The following CIC variants were observed in gnomAD, a reference collection of about 807,000 sequenced individuals.
CIC encodes protein capicua homolog.
A neutral mutation model predicts 115.7 loss-of-function variants in CIC; 18 were observed. That is an observed-to-expected ratio of 0.16 (90% CI 0.11 to 0.23). CIC has a LOEUF of 0.23. Among genes scored for constraint, CIC ranks in the 10% least tolerant of loss-of-function variants. CIC has a pLI of 1.00. For missense variants in CIC, 2,000 were observed against 2,159.3 expected, an observed-to-expected ratio of 0.93 and a Z score of 1.46; for synonymous variants, 1,076 against 923.0, an observed-to-expected ratio of 1.17 and a Z score of -3.01.
At position 42,289,909 on chromosome 19, in the gene CIC, C is replaced by T. The variant is rs376131589; in HGVS notation, c.4149C>T (p.Ser1383=). The T allele has an allele frequency of 1.7e-5, 28 of 1,610,054 alleles. No homozygotes were observed. Among genetic ancestry groups the T allele is most frequent in the South Asian group, 1.2e-4 (11 of 90,108 alleles). ...AGTGCAAGGAGCGGGTGACCGACAGCGAGAGTGGGGACAGCTCTGGGGAGG... is the reference window on the plus strand; with the variant it reads ...AGTGCAAGGAGCGGGTGACCGACAGTGAGAGTGGGGACAGCTCTGGGGAGG... ...DLKCKERVTD[S]ESGDSSGEDP... Residue 1383 remains serine, a synonymous_variant, in exon 10 of 21, where the codon AGC becomes AGT. Transcript: ENST00000681038.
chr19:42,293,324 G>A, intron 16 of CIC, 43 bp downstream of exon 16: 1 of 1,529,440 alleles, frequency 6.5e-7, no homozygotes, highest in Non-Finnish European at 8.8e-7. Flanking sequence ...CCACTTGGCT[G>A]TGCCTCTCCA....
rs2147185904 is a variant in CIC at position 42,287,257 on chromosome 19, C to G, written c.3179+17C>G. On this transcript the variant is annotated intron_variant, in intron 4 of 20. Transcript: ENST00000681038. This position sits in a 1 kb window ranked among gnomAD's most constrained non-coding sequence, Gnocchi z 8.7. The stretch of plus-strand genomic sequence containing the variant: ...TGATGATGCGTGAGTTCCCTGAGGC[C>G]TGGGACTTGGGGGTGGGATGGCCAG... 1 of 1,613,996 alleles carries G rather than the reference C, an allele frequency of 6.2e-7. No individual in the cohort carries two copies. The highest frequency in any genetic ancestry group is 8.5e-7 in the Non-Finnish European group (1 of 1,179,990).
At position 42,291,172 on chromosome 19, in the gene CIC, C is replaced by G. The variant is rs1200439913; in HGVS notation, c.5131C>G (p.Pro1711Ala). 3.1e-6 allele frequency: 5 copies of G among 1,608,012 alleles called. No homozygotes were observed. Among genetic ancestry groups the G allele is most frequent in the Non-Finnish European group, 4.2e-6 (5 of 1,176,538 alleles). ...AGSGAGAGSG[P>A]NGPVPLGILQ... Reference sequence around the variant, plus strand: ...CTCAGGAGCAGGTGCTGGGAGTGGCCCCAATGGGCCAGTACCCCTGGGCAT... The same window carrying G: ...CTCAGGAGCAGGTGCTGGGAGTGGCGCCAATGGGCCAGTACCCCTGGGCAT... Residue 1711 changes from proline (P) to alanine (A), a missense_variant, in exon 11 of 21, where the codon CCC becomes GCC. This residue lies in a region of CIC where 1,466 missense variants were observed against 1,390.4 expected (regional missense o/e 1.05). Transcript: ENST00000681038.
rs781446896 is a variant in CIC, at chr19:42,291,599, T to A, written c.5467T>A (p.Ser1823Thr). ...SPVQAPPPGG[S>T]AQLLPGKVLV... Reference sequence around the variant, plus strand: ...CGTGCAGGCCCCGCCCCCGGGTGGCTCAGCCCAGCTGCTGCCTGGGAAGGT... The same window carrying A: ...CGTGCAGGCCCCGCCCCCGGGTGGCACAGCCCAGCTGCTGCCTGGGAAGGT... Residue 1823 changes from serine to threonine, a missense_variant, in exon 12 of 21, where the codon TCA becomes ACA. By Grantham distance (58) the Ser-to-Thr change is moderately conservative (BLOSUM62 1). Around this residue, in one of 8 missense-constraint regions of CIC, gnomAD observed 1,466 missense variants for 1,390.4 expected, o/e 1.05. Coordinates refer to ENST00000681038, the MANE Select transcript of CIC (RefSeq NM_001386298.1). The A allele has an allele frequency of 6.2e-7, 1 of 1,612,938 alleles. No individual in the cohort carries two copies. Among genetic ancestry groups the A allele is most frequent in the Admixed American group, 1.7e-5 (1 of 60,012 alleles).
At chr19:42,293,365 C>T (rs1599932706) in intron 16 of CIC, 84 bp downstream of exon 16, 6 of 1,426,756 alleles carry the variant, frequency 4.2e-6, no homozygotes, top group Non-Finnish European at 5.7e-6. Flanking sequence ...TCCTACTCTT[C>T]TTTCCATGCC....
intron 2 of CIC, among the ~76,000 whole-genome samples, chr19:42,277,829 C>T (rs183970903): frequency 2.2e-4 from 33 of 152,322 alleles, no homozygotes; most frequent in African/African-American, 7.9e-4. Context: ...CCTAACAACA[C>T]CCATGCTGAG....
intron 2 of CIC, among the ~76,000 whole-genome samples, chr19:42,282,166 C>T (rs1316952542): frequency 1.3e-5 from 2 of 152,204 alleles, no homozygotes; most frequent in African/African-American, 2.4e-5. Context: ...ACCTAATAGT[C>T]CCTCTGGTTG....
Position 42,272,281 on chromosome 19 carries a change from C to T in CIC, c.498C>T (p.Asp166=). The T allele has an allele frequency of 2.5e-6, 1 of 398,640 alleles. No homozygotes were observed. The highest frequency in any genetic ancestry group is 1.3e-4 in the South Asian group (1 of 7,870). 24.7% of individuals were successfully genotyped at this position (398,640 alleles called of 1,614,324 possible). A position where few individuals can be genotyped will look rare whatever the true frequency, so the allele number is the denominator to read the frequency against. ...CCTCCACTCGTTCCTCCTCCACTGA[C>T]ACAGCCAGCGAGCACTCGGCGGACC... ...PPTSTRSSST[D]TASEHSADLE... is the part of the protein sequence containing the mutation. Residue 166 remains aspartate, a synonymous_variant, in exon 2 of 21, where the codon GAC becomes GAT. Coordinates refer to ENST00000681038, the MANE Select transcript of CIC (RefSeq NM_001386298.1).
Position 42,290,264 on chromosome 19 carries a change from T to G in CIC, c.4223T>G (p.Ile1408Ser), listed in dbSNP as rs1366651454. The G allele has an allele frequency of 1.9e-6, 3 of 1,614,038 alleles. No individual in the cohort carries two copies. The highest frequency in any genetic ancestry group is 1.7e-6 in the Non-Finnish European group (2 of 1,179,980). The change falls in exon 11 of 21, where the codon ATC becomes AGC. Residue 1408 changes from isoleucine (I) to serine (S), a missense_variant. Coordinates refer to ENST00000681038, the MANE Select transcript of CIC (RefSeq NM_001386298.1). ...GFGRKVFSPV[I>S]RSSFTHCRPP... The stretch of plus-strand genomic sequence containing the variant: ...GGTCGGAAGGTGTTTTCACCTGTGA[T>G]CCGTTCCTCCTTTACCCACTGCCGC...
rs2147183049 is a variant in CIC at position 42,287,182 on chromosome 19, T to A, written c.3121T>A (p.Ser1041Thr). 6.2e-7 allele frequency: 1 copy of A among 1,613,506 alleles called. No homozygotes were observed. Among genetic ancestry groups the A allele is most frequent in the Non-Finnish European group, 8.5e-7 (1 of 1,179,866 alleles). ...GPPPTTEEEASGPPGEPRLDS... is the reference protein window; with the variant it reads ...GPPPTTEEEATGPPGEPRLDS... Reference sequence around the variant, plus strand: ...GCCTCCCACCACGGAGGAGGAGGCCTCCGGCCCCCCAGGAGAGCCCCGGCT... The same window carrying A: ...GCCTCCCACCACGGAGGAGGAGGCCACCGGCCCCCCAGGAGAGCCCCGGCT... The change falls in exon 4 of 21, where the codon TCC becomes ACC. Residue 1041 changes from serine (S) to threonine (T), a missense_variant. Coordinates refer to ENST00000681038, the MANE Select transcript of CIC (RefSeq NM_001386298.1). This position sits in a 1 kb window ranked among gnomAD's most constrained non-coding sequence, Gnocchi z 8.7.
rs1390997678 is a variant in CIC, at chr19:42,293,785, A to T, written c.6716A>T (p.Lys2239Met). Reference sequence around the variant, plus strand: ...AAGGAGGCGGCTGGTACTGGCAAGAAGGTGAAGGTGCGGCCCCCGCCCCTG... The same window carrying T: ...AAGGAGGCGGCTGGTACTGGCAAGATGGTGAAGGTGCGGCCCCCGCCCCTG... Reference protein sequence around the residue: ...ERKEAAGTGKKVKVRPPPLKK... With the variant: ...ERKEAAGTGKMVKVRPPPLKK... Residue 2239 changes from lysine (K) to methionine (M), a missense_variant, in exon 17 of 21, where the codon AAG (lysine) becomes ATG (methionine). Lys to Met is a moderately conservative substitution (Grantham distance 95, BLOSUM62 -1). Transcript: ENST00000681038. 1.2e-6 allele frequency: 2 copies of T among 1,612,678 alleles called. No individual in the cohort carries two copies. Among genetic ancestry groups the T allele is most frequent in the Non-Finnish European group, 1.7e-6 (2 of 1,179,676 alleles).
Position 42,287,430 on chromosome 19 carries a change from A to G in CIC, c.3290A>G (p.Asp1097Gly). The change falls in exon 5 of 21, where the codon GAT becomes GGT. Residue 1097 changes from aspartate (D) to glycine (G), a missense_variant. Coordinates refer to ENST00000681038, the MANE Select transcript of CIC (RefSeq NM_001386298.1). The surrounding 1 kb of genome is among the most constrained non-coding windows in gnomAD (Gnocchi z 8.7). Reference protein sequence around the residue: ...PKERDSSSEKDGRSPNKREKD... With the variant: ...PKERDSSSEKGGRSPNKREKD... ...GAACGGGACTCATCTTCTGAGAAGGATGGACGCAGCCCCAACAAGGTACTT... is the reference window on the plus strand; with the variant it reads ...GAACGGGACTCATCTTCTGAGAAGGGTGGACGCAGCCCCAACAAGGTACTT... 1 of 1,613,700 alleles carries G rather than the reference A, an allele frequency of 6.2e-7. No homozygotes were observed. The highest frequency in any genetic ancestry group is 8.5e-7 in the Non-Finnish European group (1 of 1,180,006).
rs1302527854 is a variant in CIC at position 42,293,788 on chromosome 19, T to G, written c.6719T>G (p.Val2240Gly). The G allele has an allele frequency of 2.5e-6, 4 of 1,612,028 alleles. No homozygotes were observed. The South Asian group carries it at 3.3e-5, about 13-fold the overall frequency. Residue 2240 changes from valine to glycine, a missense_variant, in exon 17 of 21, where the codon GTG (valine) becomes GGG (glycine). By Grantham distance (109) the Val-to-Gly change is moderately radical (BLOSUM62 -3). Transcript: ENST00000681038. ...GAGGCGGCTGGTACTGGCAAGAAGG[T>G]GAAGGTGCGGCCCCCGCCCCTGAAG... ...RKEAAGTGKKVKVRPPPLKKT... is the reference protein window; with the variant it reads ...RKEAAGTGKKGKVRPPPLKKT...
chr19:42,293,054 G>T lies in CIC; in HGVS notation c.6295G>T (p.Gly2099Trp), dbSNP rs750040712. 8.7e-6 allele frequency: 14 copies of T among 1,612,804 alleles called. No individual in the cohort carries two copies. Among genetic ancestry groups the T allele is most frequent in the Non-Finnish European group, 1.1e-5 (13 of 1,179,790 alleles). ...VKAAIASIPV[G>W]SFEAGASGRP... ...GGCAGCCATCGCCAGCATTCCCGTG[G>T]GGTCCTTTGAGGCAGGTGCCTCTGG... Residue 2099 changes from glycine (G) to tryptophan (W), a missense_variant, in exon 16 of 21, where the codon GGG (glycine) becomes TGG (tryptophan). Physicochemically the swap from Gly to Trp is radical, Grantham distance 184 (BLOSUM62 -2). Coordinates refer to ENST00000681038, the MANE Select transcript of CIC (RefSeq NM_001386298.1).
chr19:42,277,966 G>C (rs915636918), intron 2 of CIC, among the ~76,000 whole-genome samples: 1 of 152,250 alleles, frequency 6.6e-6, no homozygotes. Flanking sequence ...AGGGCAGACC[G>C]TGTTCAGTGG....
rs777927145 is a variant in CIC, at chr19:42,287,360, C to T, written c.3220C>T (p.Pro1074Ser). Residue 1074 changes from proline to serine, a missense_variant, in exon 5 of 21, where the codon CCG (proline) becomes TCG (serine). This residue lies in a region of CIC where 222 missense variants were observed against 247.7 expected (regional missense o/e 0.90). Coordinates refer to ENST00000681038, the MANE Select transcript of CIC (RefSeq NM_001386298.1). The surrounding 1 kb of genome is among the most constrained non-coding windows in gnomAD (Gnocchi z 8.7). ...IMSPEIQLPL[P>S]PGKRRTQSLS... is the part of the protein sequence containing the mutation. ...GTCTCCTGAGATCCAGTTGCCTCTACCGCCCGGAAAACGTCGGACCCAGTC... is the reference window on the plus strand; with the variant it reads ...GTCTCCTGAGATCCAGTTGCCTCTATCGCCCGGAAAACGTCGGACCCAGTC... 3 of 1,614,160 alleles carry T rather than the reference C, an allele frequency of 1.9e-6. No individual in the cohort carries two copies. Among genetic ancestry groups the T allele is most frequent in the South Asian group, 2.2e-5 (2 of 91,084 alleles).
chr19:42,293,016 C>G lies in CIC; in HGVS notation c.6257C>G (p.Pro2086Arg), dbSNP rs775018722. The G allele has an allele frequency of 1.9e-6, 3 of 1,613,330 alleles. No homozygotes were observed. Among genetic ancestry groups the G allele is most frequent in the African/African-American group, 1.3e-5 (1 of 74,950 alleles). The change falls in exon 16 of 21, where the codon CCC becomes CGC. Residue 2086 changes from proline to arginine, a missense_variant. Physicochemically the swap from Pro to Arg is moderately radical, Grantham distance 103. Around this residue, in one of 8 missense-constraint regions of CIC, gnomAD observed 1,466 missense variants for 1,390.4 expected, o/e 1.05. Transcript: ENST00000681038. The part of the protein sequence containing the change: ...PKAQRPSPKA[P>R]QKVKAAIASI... ...GCCCAGCGGCCCAGCCCGAAGGCCC[C>G]CCAGAAAGTGAAGGCAGCCATCGCC...
rs544275910 is a variant in CIC, at chr19:42,292,486, G to C, written c.5902+20G>C. The C allele has an allele frequency of 2.5e-6, 4 of 1,611,054 alleles. No individual in the cohort carries two copies. The highest frequency in any genetic ancestry group is 3.4e-6 in the Non-Finnish European group (4 of 1,179,038). ...TCTCAGGTGAGGGGCGGCCTGGCAG[G>C]CAGTGCTGGGGACCCAGGGTGGGGC... On this transcript the variant is annotated intron_variant, in intron 14 of 20. Transcript: ENST00000681038.
chr19:42,292,636 T>C lies in CIC; in HGVS notation c.5973T>C (p.Pro1991=), dbSNP rs200571536. ...CTGTGCCCAGTCCCCAGCTGCCGCC[T>C]GCCTGTGCAGCCCCCGGAGGTCCTG... ...VSPVPSPQLP[P]ACAAPGGPVI... Residue 1991 remains proline, a synonymous_variant, in exon 15 of 21, where the codon CCT becomes CCC. Transcript: ENST00000681038. 18 of 1,613,722 alleles carry C rather than the reference T, an allele frequency of 1.1e-5. No homozygotes were observed. In the African/African-American group the frequency reaches 2.1e-4, roughly 19 times the overall value.
Sources: allele counts gnomAD v4.1 joint callset (sites outside exome capture counted in the v4.1 genomes callset), GRCh38; gene constraint gnomAD v4.1.1; regional missense constraint gnomAD v4.1.1; non-coding constraint Gnocchi (gnomAD v3.1); transcripts MANE v1.5; gene names NCBI Gene and HGNC (gene_info 2026-07-23, HGNC 2026-07-21).